ESRRG: variants seen among roughly 807,000 people sequenced by gnomAD.
ESRRG encodes the protein estrogen related receptor gamma, also known as estrogen-related receptor gamma.
Under a neutral mutation model 44.0 loss-of-function variants are expected in ESRRG, and 13 were observed. The ratio of observed to expected loss-of-function variants is 0.30; its 90% CI spans 0.19 to 0.47. The LOEUF (loss-of-function observed/expected upper bound fraction) is 0.47, where lower values mean the gene tolerates loss of function less well. Among genes scored for constraint, ESRRG ranks in the 20% least tolerant of loss-of-function variants. The pLI, the probability that ESRRG is intolerant of heterozygous loss-of-function variation, is 1.00. For synonymous variants in ESRRG, 215 were observed against 214.6 expected (o/e 1.00, Z -0.02); for missense variants, 395 against 580.6 (o/e 0.68, Z 3.29).
At chr1:217,081,018 G>T (rs2151511728) in intron 1 of ESRRG, among the ~76,000 whole-genome samples, 1 of 151,934 alleles carries the variant, frequency 6.6e-6, no homozygotes, top group South Asian at 2.1e-4. Flanking sequence ...GTAGAGTTTT[G>T]TTGATCATTA....
At chr1:217,052,274 G>T (rs1278540434) in intron 1 of ESRRG, among the ~76,000 whole-genome samples, 3 of 152,198 alleles carry the variant, frequency 2.0e-5, no homozygotes, top group Non-Finnish European at 4.4e-5. Context: ...TTCAGCAGAA[G>T]TGCCAGAGAA....
At chr1:216,560,007 G>A (rs1257525765) in intron 5 of ESRRG, among the ~76,000 whole-genome samples, 2 of 152,060 alleles carry the variant, frequency 1.3e-5, no homozygotes, top group Non-Finnish European at 1.5e-5. Flanking sequence ...CTAAGTCAAT[G>A]AGCAATTTTT....
rs142561311 is a variant in ESRRG, at chr1:216,831,115, G to A, written c.-14+108467C>T. On this transcript the variant is annotated intron_variant, in intron 2 of 7. Transcript: ENST00000359162. ...TGCAGCTCCTGTTCTCTCCAACAGGGTAATTTTATACATGGCATTCTTATT... is the reference window on the plus strand; with the variant it reads ...TGCAGCTCCTGTTCTCTCCAACAGGATAATTTTATACATGGCATTCTTATT... Among the ~76,000 whole-genome samples the A allele has an allele frequency of 2.0e-5, 3 of 152,074 alleles. No individual in the cohort carries two copies. In the East Asian group the frequency reaches 5.8e-4, roughly 30 times the overall value.
At chr1:216,546,445 C>A (rs1339716508) in intron 5 of ESRRG, among the ~76,000 whole-genome samples, 4 of 152,044 alleles carry the variant, frequency 2.6e-5, no homozygotes, top group African/African-American at 9.7e-5. Context: ...ACTCTCATAG[C>A]AATACTAGGC....
At chr1:216,719,018 T>G (rs1399005980) in intron 1 of ESRRG, among the ~76,000 whole-genome samples, 1 of 152,020 alleles carries the variant, frequency 6.6e-6, no homozygotes, top group African/African-American at 2.4e-5. Context: ...TTTTATAAAA[T>G]AATACAAAGC....
At chr1:216,971,664 A>G (rs2071692697) in intron 1 of ESRRG, among the ~76,000 whole-genome samples, 1 of 152,196 alleles carries the variant, frequency 6.6e-6, no homozygotes. Context: ...GGTTTATTTT[A>G]ATAAAATATT....
At chr1:217,133,000 C>T (rs1036827338) in intron 1 of ESRRG, among the ~76,000 whole-genome samples, 3 of 152,178 alleles carry the variant, frequency 2.0e-5, no homozygotes, top group South Asian at 2.1e-4. Flanking sequence ...CATCTTTACT[C>T]GCAAGGAGAA....
At chr1:216,656,130 T>G (rs2151134795) in intron 2 of ESRRG, among the ~76,000 whole-genome samples, 1 of 152,276 alleles carries the variant, frequency 6.6e-6, no homozygotes, top group East Asian at 1.9e-4. Flanking sequence ...ATGTGAACAC[T>G]GGATATTCAC....
At chr1:217,008,355 G>A (rs185263803) in intron 1 of ESRRG, among the ~76,000 whole-genome samples, 35 of 152,304 alleles carry the variant, frequency 2.3e-4, no homozygotes, top group African/African-American at 7.2e-4. Flanking sequence ...TTTCTCCACA[G>A]TCAGAATATA....
chr1:216,655,594 C>T (rs967104324), intron 2 of ESRRG, among the ~76,000 whole-genome samples: 11 of 152,202 alleles, frequency 7.2e-5, no homozygotes, highest in African/African-American at 2.7e-4. Context: ...GATATAGTTT[C>T]AGCTGAAGTG....
intron 1 of ESRRG, among the ~76,000 whole-genome samples, chr1:216,693,024 C>T (rs913909821): frequency 7.2e-5 from 11 of 152,328 alleles, no homozygotes; most frequent in South Asian, 2.1e-4. Context: ...CAATGCTTAA[C>T]GCTTTGTAAG....
At chr1:216,785,533 G>T (rs2094096145) in intron 2 of ESRRG, among the ~76,000 whole-genome samples, 1 of 151,960 alleles carries the variant, frequency 6.6e-6, no homozygotes, top group African/African-American at 2.4e-5. Context: ...GCTCAGAGTG[G>T]GAGGGAAAAG....
intron 1 of ESRRG, among the ~76,000 whole-genome samples, chr1:216,688,154 A>T (rs1461421969): frequency 6.6e-6 from 1 of 152,202 alleles, no homozygotes; most frequent in Non-Finnish European, 1.5e-5. Context: ...ATTAAGAAAA[A>T]AATTTCATTA....
At chr1:216,574,210 G>A (rs2061310950) in intron 3 of ESRRG, among the ~76,000 whole-genome samples, 1 of 152,068 alleles carries the variant, frequency 6.6e-6, no homozygotes, top group African/African-American at 2.4e-5. Flanking sequence ...TTAATAGCTG[G>A]CATTACCTAC....
chr1:216,603,275 C>T (rs1157554834), intron 3 of ESRRG, among the ~76,000 whole-genome samples: 4 of 152,104 alleles, frequency 2.6e-5, no homozygotes, highest in Admixed American at 2.6e-4. Context: ...ACTCAAAGCC[C>T]ATGTTCTACA....
intron 1 of ESRRG, among the ~76,000 whole-genome samples, chr1:217,027,415 C>A (rs1274299297): frequency 6.6e-6 from 1 of 152,132 alleles, no homozygotes; most frequent in Non-Finnish European, 1.5e-5. Context: ...CCTTACAAAC[C>A]ACCCTTACAG....
rs1018980060 is a variant in ESRRG at position 216,750,336 on chromosome 1, T to C, written c.-13-72845A>G. On this transcript the variant is annotated intron_variant, in intron 2 of 7. Coordinates refer to the ESRRG transcript ENST00000359162. The stretch of plus-strand genomic sequence containing the variant: ...GTACCACATTCCATTTGTGATAGAC[T>C]TTCTCTCTCCTAAGAAAGCTACCTC... 9.9e-5 allele frequency among the ~76,000 whole-genome samples: 15 copies of C among 152,242 alleles called. 1 individual carries two copies. In the South Asian group the frequency reaches 2.7e-3, roughly 27 times the overall value.
intron 2 of ESRRG, among the ~76,000 whole-genome samples, chr1:216,893,361 A>G (rs2058042652): frequency 6.6e-6 from 1 of 152,192 alleles, no homozygotes; most frequent in African/African-American, 2.4e-5. Context: ...ACTCCATTCT[A>G]TATCAGATAA....
At chr1:216,829,823 G>A (rs2095458006) in intron 2 of ESRRG, among the ~76,000 whole-genome samples, 1 of 151,986 alleles carries the variant, frequency 6.6e-6, no homozygotes, top group Non-Finnish European at 1.5e-5. Flanking sequence ...CAAAGTGCTG[G>A]GATTACAGGT....
Sources: gnomAD v4.1 joint callset for allele counts (sites outside exome capture counted in the v4.1 genomes callset) on GRCh38, gnomAD v4.1.1 for gene constraint, MANE v1.5 for transcripts, NCBI Gene and HGNC (gene_info 2026-07-23, HGNC 2026-07-21) for gene names.